Variants in TSNARE1 observed in about 807,000 individuals in gnomAD.
TSNARE1 encodes t-SNARE domain-containing protein 1.
In TSNARE1, 49 loss-of-function variants were observed where a neutral mutation model predicts 62.0. The ratio of observed to expected loss-of-function variants is 0.79; its 90% CI spans 0.63 to 1.00. The LOEUF is 1.00. Among genes scored for constraint, TSNARE1 ranks in the 50% least tolerant of loss-of-function variants. The probability of loss-of-function intolerance (pLI) is 0.00; values close to 1 mark genes in which losing one functional copy is unlikely to be tolerated. For missense variants in TSNARE1, 755 were observed against 700.1 expected, an observed-to-expected ratio of 1.08 and a Z score of -0.88; for synonymous variants, 328 against 294.4, an observed-to-expected ratio of 1.11 and a Z score of -1.17.
chr8:142,372,512 G>C (rs1835984715), intron 1 of TSNARE1, among the ~76,000 whole-genome samples: 1 of 152,176 alleles, frequency 6.6e-6, no homozygotes, highest in Non-Finnish European at 1.5e-5. Flanking sequence ...CTGGGCCCCA[G>C]GGACAGACAG....
At chr8:142,304,553 C>T (rs1826346101) in intron 9 of TSNARE1, among the ~76,000 whole-genome samples, 1 of 152,248 alleles carries the variant, frequency 6.6e-6, no homozygotes, top group Admixed American at 6.5e-5. Flanking sequence ...GAGCACGAGG[C>T]TCTCCTAAGG....
At chr8:142,402,087 G>A (rs139893558) in intron 1 of TSNARE1, among the ~76,000 whole-genome samples, 417 of 152,260 alleles carry the variant, frequency 2.7e-3, no homozygotes, top group African/African-American at 9.6e-3. Context: ...AGACATACCG[G>A]AAGCGGAGCT....
intron 1 of TSNARE1, among the ~76,000 whole-genome samples, chr8:142,398,160 G>A (rs1838028065): frequency 6.6e-6 from 1 of 151,966 alleles, no homozygotes; most frequent in African/African-American, 2.4e-5. Context: ...TCCAGACACA[G>A]CTCAGGCCTC....
At chr8:142,339,780 C>T (rs548396639) in intron 4 of TSNARE1, among the ~76,000 whole-genome samples, 4 of 152,244 alleles carry the variant, frequency 2.6e-5, no homozygotes, top group Non-Finnish European at 4.4e-5. Context: ...AAAGACAAGG[C>T]TCGCTCCCCA....
chr8:142,342,513 G>C (rs1413505500), intron 4 of TSNARE1, among the ~76,000 whole-genome samples: 2 of 152,128 alleles, frequency 1.3e-5, no homozygotes, highest in African/African-American at 4.8e-5. Flanking sequence ...CCCGGGGCAG[G>C]GCATGTCCAG....
intron 7 of TSNARE1, among the ~76,000 whole-genome samples, chr8:142,317,944 C>A (rs1355629935): frequency 5.3e-5 from 8 of 152,078 alleles, no homozygotes; most frequent in Non-Finnish European, 1.0e-4. Context: ...GGAGACAGAG[C>A]AAGACTCCGT....
chr8:142,334,841 C>T (rs2132099112), intron 4 of TSNARE1, among the ~76,000 whole-genome samples: 1 of 152,296 alleles, frequency 6.6e-6, no homozygotes, highest in Non-Finnish European at 1.5e-5. Flanking sequence ...ATTCTACACC[C>T]ACTGGAAACA....
chr8:142,259,484 T>A (rs1254284501), intron 12 of TSNARE1, among the ~76,000 whole-genome samples: 2 of 152,130 alleles, frequency 1.3e-5, no homozygotes, highest in Non-Finnish European at 2.9e-5. Flanking sequence ...ACAATTCACA[T>A]TTACATTTCT....
At chr8:142,230,228 G>A (rs749098778) in intron 12 of TSNARE1, among the ~76,000 whole-genome samples, 9 of 152,160 alleles carry the variant, frequency 5.9e-5, no homozygotes, top group Non-Finnish European at 7.3e-5. Context: ...GAAACCCCTC[G>A]GCAGACCAGG....
At chr8:142,337,754 C>A (rs1270817418) in intron 4 of TSNARE1, among the ~76,000 whole-genome samples, 5 of 152,254 alleles carry the variant, frequency 3.3e-5, no homozygotes, top group African/African-American at 7.2e-5. Flanking sequence ...GCTTCCAGCC[C>A]CGACTGGGCC....
intron 9 of TSNARE1, among the ~76,000 whole-genome samples, chr8:142,306,733 A>G (rs1386223242): frequency 6.6e-6 from 1 of 152,192 alleles, no homozygotes; most frequent in Non-Finnish European, 1.5e-5. Flanking sequence ...TCATCTCATC[A>G]TTTATAGTTT....
intron 1 of TSNARE1, among the ~76,000 whole-genome samples, chr8:142,400,879 T>C (rs1838239375): frequency 6.6e-6 from 1 of 152,194 alleles, no homozygotes; most frequent in Non-Finnish European, 1.5e-5. Context: ...CAGACCCTCC[T>C]CCCAGGGTGA....
At chr8:142,348,425 G>A (rs1445910228) in intron 2 of TSNARE1, among the ~76,000 whole-genome samples, 1 of 152,196 alleles carries the variant, frequency 6.6e-6, no homozygotes, top group South Asian at 2.1e-4. Context: ...CTAAGACAGA[G>A]TCCAAGAGGA....
At chr8:142,238,771 G>GCCCCTGCACGCCCC (rs1817558167) in intron 12 of TSNARE1, among the ~76,000 whole-genome samples, 1 of 26,436 alleles carries the variant, frequency 3.8e-5, no homozygotes, top group East Asian at 1.1e-3. Flanking sequence ...CTGCACGCCC[G>GCCCCTGCACGCCCC]CCCCTGCACA....
intron 12 of TSNARE1, chr8:142,272,988 G>A: frequency 1.0e-6 from 1 of 985,466 alleles, no homozygotes; most frequent in Non-Finnish European, 1.2e-6. Flanking sequence ...GACCCCCTCG[G>A]GAACAGGAGT....
At chr8:142,227,823 G>A (rs557714072) in intron 13 of TSNARE1, among the ~76,000 whole-genome samples, 58 of 152,372 alleles carry the variant, frequency 3.8e-4, no homozygotes, top group Middle Eastern at 3.4e-3. Flanking sequence ...CTCTGCCTCC[G>A]CATTCCTCAG....
chr8:142,242,558 A>T (rs1171048201), intron 12 of TSNARE1, among the ~76,000 whole-genome samples: 1 of 152,260 alleles, frequency 6.6e-6, no homozygotes, highest in Non-Finnish European at 1.5e-5. Context: ...GAACCCAAAC[A>T]ACTCAATAGC....
chr8:142,338,338 T>G (rs1298968019), intron 4 of TSNARE1, among the ~76,000 whole-genome samples: 1 of 152,222 alleles, frequency 6.6e-6, no homozygotes, highest in African/African-American at 2.4e-5. Context: ...TGCTCTTCAC[T>G]GAACCAGGTC....
At chr8:142,391,067 C>T (rs1365468193) in intron 1 of TSNARE1, among the ~76,000 whole-genome samples, 1 of 138,142 alleles carries the variant, frequency 7.2e-6, no homozygotes, top group African/African-American at 2.8e-5. Context: ...CTGTACACTG[C>T]GGGGGACTCT....
Sources: allele counts gnomAD v4.1 joint callset (sites outside exome capture counted in the v4.1 genomes callset), GRCh38; gene constraint gnomAD v4.1.1; transcripts MANE v1.5; gene names NCBI Gene and HGNC (gene_info 2026-07-23, HGNC 2026-07-21).